GGA3: variants seen among roughly 807,000 people sequenced by gnomAD.
The protein encoded by GGA3 is golgi associated, gamma adaptin ear containing, ARF binding protein 3, also known as ADP-ribosylation factor-binding protein GGA3.
In GGA3, 57 loss-of-function variants were observed where a neutral mutation model predicts 77.5. The observed-to-expected ratio is 0.74, with a 90% confidence interval of 0.59 to 0.92. The LOEUF is 0.92. Among genes scored for constraint, GGA3 ranks in the 40% least tolerant of loss-of-function variants. The pLI is 0.00. For synonymous variants in GGA3, 416 were observed against 383.7 expected (o/e 1.08, Z -0.98); for missense variants, 970 against 914.9 (o/e 1.06, Z -0.78).
chr17:75,237,802 TGGC>T lies in GGA3; in HGVS notation c.*474_*476del. 7.0e-7 allele frequency: 1 copy of T among 1,428,514 alleles called. No individual in the cohort carries two copies. The highest frequency in any genetic ancestry group is 9.1e-7 in the Non-Finnish European group (1 of 1,096,430). 88.5% of individuals were successfully genotyped at this position (1,428,514 alleles called of 1,614,324 possible). A position where few individuals can be genotyped will look rare whatever the true frequency, so the allele number is the denominator to read the frequency against. On this transcript the variant is annotated 3_prime_UTR_variant, in exon 17 of 17. Coordinates refer to ENST00000537686, the MANE Select transcript of GGA3 (RefSeq NM_138619.4). ...CCTGGGGATGGCAGCAGGAGCTGGT[TGGC>T]GGGGGAAGCATGGAATTGCAACAGG...
At chr17:75,244,147 G>T (rs1015763512) in intron 4 of GGA3, among the ~76,000 whole-genome samples, 1 of 152,180 alleles carries the variant, frequency 6.6e-6, no homozygotes, top group Admixed American at 6.5e-5. Flanking sequence ...TATCTTGGGG[G>T]TGTCCATGAG....
chr17:75,255,641 A>C (rs2077124997), intron 1 of GGA3, among the ~76,000 whole-genome samples: 2 of 152,180 alleles, frequency 1.3e-5, no homozygotes, highest in South Asian at 4.1e-4. Flanking sequence ...TAAAGCCTAT[A>C]AACTCTCCTT....
chr17:75,248,487 A>AAAAAAAAAAAG (rs2076835700), intron 1 of GGA3, among the ~76,000 whole-genome samples: 2 of 138,420 alleles, frequency 1.4e-5, no homozygotes, highest in Admixed American at 1.5e-4. Context: ...AAAAAAAAAA[A>AAAAAAAAAAAG]AAAAAAATCA....
intron 3 of GGA3, among the ~76,000 whole-genome samples, chr17:75,245,800 G>C (rs1200283900): frequency 1.4e-5 from 2 of 147,188 alleles, no homozygotes; most frequent in African/African-American, 2.7e-5. Context: ...GGGACTATAG[G>C]TACAAGCCAC....
At chr17:75,253,915 T>C (rs2145580815) in intron 1 of GGA3, among the ~76,000 whole-genome samples, 1 of 152,278 alleles carries the variant, frequency 6.6e-6, no homozygotes, top group African/African-American at 2.4e-5. Flanking sequence ...AATGCCTTAT[T>C]TTCTTCTGCA....
chr17:75,246,913 G>A, intron 1 of GGA3, 117 bp from the exon 2 acceptor site: 1 of 750,108 alleles, frequency 1.3e-6, no homozygotes, highest in Non-Finnish European at 2.3e-6. Context: ...CTCTCTAATA[G>A]AGAAGCCTCA....
At chr17:75,246,915 GAAGCCTCAGTAGAACA>G in intron 1 of GGA3, 119 bp from the exon 2 acceptor site, 1 of 732,994 alleles carries the variant, frequency 1.4e-6, no homozygotes, top group Non-Finnish European at 2.4e-6. Flanking sequence ...CTCTAATAGA[GAAGCCTCAGTAGAACA>G]GTCAGTAGCA....
upstream of GGA3, chr17:75,262,006 CG>C (rs869201918): frequency 2.6e-5 from 12 of 461,398 alleles, no homozygotes; most frequent in East Asian, 4.1e-4. Context: ...CGAGCAGCGG[CG>C]GGGGGGCGCT....
chr17:75,257,715 C>A (rs564004559), intron 1 of GGA3, among the ~76,000 whole-genome samples: 1 of 152,182 alleles, frequency 6.6e-6, no homozygotes, highest in African/African-American at 2.4e-5. Flanking sequence ...TAGGTTCCCA[C>A]GCCGCCCCTA....
intron 8 of GGA3, 135 bp downstream of exon 8, chr17:75,242,201 G>A (rs1369802521): frequency 2.2e-6 from 2 of 916,692 alleles, no homozygotes; most frequent in Non-Finnish European, 3.5e-6. Context: ...CTGCTGTGCA[G>A]ATGAGTAAGG....
At position 75,237,701 on chromosome 17, in the gene GGA3, C is replaced by T. The variant is rs2145463297; in HGVS notation, c.*578G>A. 6.9e-7 allele frequency: 1 copy of T among 1,454,460 alleles called. No individual in the cohort carries two copies. Among genetic ancestry groups the T allele is most frequent in the Non-Finnish European group, 9.1e-7 (1 of 1,104,904 alleles). The allele number at this position is 1,454,460 out of a possible 1,614,324, so 90.1% of individuals were successfully genotyped here. A position where few individuals can be genotyped will look rare whatever the true frequency, so the allele number is the denominator to read the frequency against. ...CGTGGCCATTCCAGGACGATGCTGT[C>T]CACCAGAGGCAGGGCTGGGGACTTT... On this transcript the variant is annotated 3_prime_UTR_variant, in exon 17 of 17. Transcript: ENST00000537686.
intron 11 of GGA3, 195 bp downstream of exon 11, chr17:75,240,617 G>T: frequency 1.4e-6 from 1 of 692,390 alleles, no homozygotes; most frequent in South Asian, 1.9e-5. Context: ...GGGGTGCAGG[G>T]CAGGAGGCAG....
chr17:75,257,281 C>CT (rs2077184597), intron 1 of GGA3, among the ~76,000 whole-genome samples: 2 of 57,692 alleles, frequency 3.5e-5, no homozygotes, highest in Non-Finnish European at 1.5e-4. Flanking sequence ...AGACTGTGCC[C>CT]CCCCCCCCAA....
At chr17:75,239,691 T>TGGGA (rs1192027860) in intron 13 of GGA3, 98 bp downstream of exon 13, 23 of 1,498,914 alleles carry the variant, frequency 1.5e-5, no homozygotes, top group South Asian at 4.5e-5. Context: ...GCCTGACTGA[T>TGGGA]GGGACTACAA....
At chr17:75,239,244 C>T in intron 14 of GGA3, 131 bp downstream of exon 14, 1 of 973,348 alleles carries the variant, frequency 1.0e-6, no homozygotes, top group Non-Finnish European at 1.5e-6. Flanking sequence ...ACTGAGAATG[C>T]AGGCAGGGAG....
Position 75,237,757 on chromosome 17 carries a change from G to GCACCTTCCTGGGC in GGA3, c.*509_*521dup, listed in dbSNP as rs2076370280. ...ATGCCAGTTCCTTATTCTGGGCCAG[G>GCACCTTCCTGGGC]CACCTTCCTGGGCCACCTCCCTGGG... On this transcript the variant is annotated 3_prime_UTR_variant, in exon 17 of 17. Transcript: ENST00000537686. The GCACCTTCCTGGGC allele has an allele frequency of 4.9e-6, 7 of 1,430,936 alleles. No homozygotes were observed. The highest frequency in any genetic ancestry group is 1.5e-5 in the South Asian group (1 of 66,944). 88.6% of individuals were successfully genotyped at this position (1,430,936 alleles called of 1,614,324 possible).
At chr17:75,261,622 G>A (rs1048313353), upstream of GGA3, 1 of 1,519,712 alleles carries the variant, frequency 6.6e-7, no homozygotes, top group Non-Finnish European at 8.8e-7. Context: ...TTCAAAACTC[G>A]CGAGAGTCTG....
intron 12 of GGA3, 104 bp downstream of exon 12, chr17:75,240,238 G>A (rs889153693): frequency 3.5e-6 from 4 of 1,132,020 alleles, no homozygotes; most frequent in Non-Finnish European, 5.2e-6. Flanking sequence ...GCTGCAGCTG[G>A]CACGCTCTGG....
intron 2 of GGA3, 49 bp downstream of exon 2, chr17:75,246,663 C>T: frequency 6.3e-7 from 1 of 1,594,394 alleles, no homozygotes; most frequent in Non-Finnish European, 8.6e-7. Context: ...TGGTTGTTCC[C>T]CTTCCCAGTC....
Sources: gnomAD v4.1 joint callset for allele counts (sites outside exome capture counted in the v4.1 genomes callset) on GRCh38, gnomAD v4.1.1 for gene constraint, MANE v1.5 for transcripts, NCBI Gene and HGNC (gene_info 2026-07-23, HGNC 2026-07-21) for gene names.